RUBCN: variants seen among roughly 807,000 people sequenced by gnomAD.
RUBCN encodes run domain Beclin-1-interacting and cysteine-rich domain-containing protein.
In RUBCN, 74 loss-of-function variants were observed where a neutral mutation model predicts 113.2. The observed-to-expected ratio is 0.65, with a 90% confidence interval of 0.54 to 0.79. RUBCN has a LOEUF of 0.79. RUBCN is among the 30% of genes least tolerant of loss of function. The pLI is 0.00. For missense variants in RUBCN, 1,109 were observed against 1,251.7 expected (o/e 0.89, Z 1.72); for synonymous variants, 480 against 490.0 (o/e 0.98, Z 0.27).
At chr3:197,704,511 C>G in intron 4 of RUBCN, 31 bp downstream of exon 4, 1 of 1,607,256 alleles carries the variant, frequency 6.2e-7, no homozygotes, top group Non-Finnish European at 8.5e-7. Flanking sequence ...CGAGGAAGCA[C>G]AGATGACAGT....
chr3:197,745,163 T>TA (rs1728685077), intron 1 of RUBCN, among the ~76,000 whole-genome samples: 1 of 151,588 alleles, frequency 6.6e-6, no homozygotes, highest in Non-Finnish European at 1.5e-5. Flanking sequence ...CACGCACCTG[T>TA]AGTCCCAGCT....
At position 197,681,092 on chromosome 3, in the gene RUBCN, G is replaced by T. The variant is rs201380779; in HGVS notation, c.2430+37C>A. The T allele has an allele frequency of 5.3e-3, 7,435 of 1,390,166 alleles. 52 individuals carry two copies. The highest frequency in any genetic ancestry group is 0.018 in the South Asian group (1,527 of 86,214). The allele number at this position is 1,390,166 out of a possible 1,614,324, so 86.1% of individuals were successfully genotyped here. A position where few individuals can be genotyped will look rare whatever the true frequency, so the allele number is the denominator to read the frequency against. On this transcript the variant is annotated intron_variant, in intron 16 of 19. Coordinates refer to ENST00000296343, the MANE Select transcript of RUBCN (RefSeq NM_014687.4). The surrounding 1 kb of genome is among the most constrained non-coding windows in gnomAD (Gnocchi z 5.5). ...AGGGGAGGGGATGAGGGGAGGAGAA[G>T]GGCAAGACTCTAAGGTGGCCTTTTC...
chr3:197,726,345 C>T (rs1726752577), intron 1 of RUBCN, among the ~76,000 whole-genome samples: 1 of 151,660 alleles, frequency 6.6e-6, no homozygotes, highest in Non-Finnish European at 1.5e-5. Flanking sequence ...CTCCTGGGTT[C>T]ACACCATTCT....
At chr3:197,712,761 A>G (rs1213042557) in intron 2 of RUBCN, among the ~76,000 whole-genome samples, 1 of 152,198 alleles carries the variant, frequency 6.6e-6, no homozygotes, top group Non-Finnish European at 1.5e-5. Context: ...ATAAAATAAA[A>G]ACAAATAAAA....
At chr3:197,725,520 CTTTTT>C (rs10718685) in intron 1 of RUBCN, among the ~76,000 whole-genome samples, 2 of 75,332 alleles carry the variant, frequency 2.7e-5, no homozygotes, top group Non-Finnish European at 2.4e-5. Flanking sequence ...ACAGGAGAAT[CTTTTT>C]TTTTTTTTTT....
intron 2 of RUBCN, among the ~76,000 whole-genome samples, chr3:197,708,588 A>G (rs1026528068): frequency 1.3e-5 from 2 of 150,574 alleles, no homozygotes; most frequent in African/African-American, 4.9e-5. Flanking sequence ...GCAATGCTAT[A>G]TTCTTTGCTG....
In RUBCN at chr3:197,701,884, CA is replaced by C; in HGVS notation, c.571-21del. ...GGCAAACTAAAAAGCAAAACAAAACCAAAAAATGTGTCAGAGTTAAGGACAA... is the reference window on the plus strand; with the variant it reads ...GGCAAACTAAAAAGCAAAACAAAACCAAAAATGTGTCAGAGTTAAGGACAA... On this transcript the variant is annotated intron_variant, in intron 5 of 19. Transcript: ENST00000296343. 1 of 1,613,024 alleles carries C rather than the reference CA, an allele frequency of 6.2e-7. No homozygotes were observed. Among genetic ancestry groups the C allele is most frequent in the Non-Finnish European group, 8.5e-7 (1 of 1,179,464 alleles).
rs928043528 is a variant in RUBCN at position 197,683,552 on chromosome 3, G to T, written c.1848-113C>A. 1.6e-5 allele frequency: 19 copies of T among 1,170,624 alleles called. No individual in the cohort carries two copies. The highest frequency in any genetic ancestry group is 2.2e-5 in the Non-Finnish European group (18 of 801,128). 72.5% of individuals were successfully genotyped at this position (1,170,624 alleles called of 1,614,324 possible). A position where few individuals can be genotyped will look rare whatever the true frequency, so the allele number is the denominator to read the frequency against. On this transcript the variant is annotated intron_variant, in intron 12 of 19. Transcript: ENST00000296343. This position sits in a 1 kb window ranked among gnomAD's most constrained non-coding sequence, Gnocchi z 4.6. The stretch of plus-strand genomic sequence containing the variant: ...CAACTTCTGGGCTGGAAGAACACCC[G>T]CAGCACCCTGGCCTGCTCATCACCC...
intron 2 of RUBCN, among the ~76,000 whole-genome samples, chr3:197,711,591 T>C (rs1580305723): frequency 6.6e-6 from 1 of 152,288 alleles, no homozygotes; most frequent in South Asian, 2.1e-4. Flanking sequence ...TCCCAGCACC[T>C]TGGGAGCCAA....
At chr3:197,740,673 T>C (rs1177354134), upstream of RUBCN, among the ~76,000 whole-genome samples, 2 of 151,532 alleles carry the variant, frequency 1.3e-5, 1 homozygote, top group Non-Finnish European at 2.9e-5. Context: ...CAGGCTGGAG[T>C]GCAGTGGCAC....
At chr3:197,704,204 G>A (rs188622246) in intron 4 of RUBCN, among the ~76,000 whole-genome samples, 20 of 152,266 alleles carry the variant, frequency 1.3e-4, no homozygotes, top group Admixed American at 2.6e-4. Flanking sequence ...GGAGGCCAAA[G>A]CGGGCAGATC....
chr3:197,735,754 G>C (rs1417773832), intron 1 of RUBCN, among the ~76,000 whole-genome samples: 9 of 151,992 alleles, frequency 5.9e-5, no homozygotes, highest in East Asian at 1.9e-4. Flanking sequence ...ACCACGCCGA[G>C]CTAATTTTTG....
In RUBCN at chr3:197,670,330, G is replaced by C. The variant is rs1362902085; in HGVS notation, c.*4688C>G. 2.6e-5 allele frequency among the ~76,000 whole-genome samples: 4 copies of C among 152,156 alleles called. No homozygotes were observed. Among genetic ancestry groups the C allele is most frequent in the African/African-American group, 9.7e-5 (4 of 41,448 alleles). On this transcript the variant is annotated 3_prime_UTR_variant, in exon 20 of 20. Transcript: ENST00000296343. ...TTCTTTGTACTCTCAGCTCTGGCAT[G>C]GTGTCTGGAACACGGAGGCATCTAT...
upstream of RUBCN, among the ~76,000 whole-genome samples, chr3:197,739,655 C>G (rs11923365): frequency 6.6e-6 from 1 of 151,332 alleles, no homozygotes; most frequent in Non-Finnish European, 1.5e-5. Context: ...GCAGAGATCA[C>G]GCCACTGCAC....
rs1293375440 is a variant in RUBCN at position 197,725,724 on chromosome 3, GACACCTATTTAAC to G, written c.66-7607_66-7595del. 2.0e-5 allele frequency among the ~76,000 whole-genome samples: 3 copies of G among 151,988 alleles called. No homozygotes were observed. In the East Asian group the frequency reaches 5.8e-4, roughly 29 times the overall value. ...TACCTGTAGGTATGCTTTGTAATTC[GACACCTATTTAAC>G]ACCTGAGTAACATCAAATGCATTGA... On this transcript the variant is annotated intron_variant, in intron 1 of 19. Transcript: ENST00000296343.
At chr3:197,728,455 CA>C (rs1257446890) in intron 1 of RUBCN, among the ~76,000 whole-genome samples, 2 of 152,106 alleles carry the variant, frequency 1.3e-5, no homozygotes, top group Non-Finnish European at 2.9e-5. Context: ...CTAGAATAAT[CA>C]AACAGGGACG....
At chr3:197,738,147 C>A (rs960794331), upstream of RUBCN, among the ~76,000 whole-genome samples, 1 of 152,226 alleles carries the variant, frequency 6.6e-6, no homozygotes, top group African/African-American at 2.4e-5. Flanking sequence ...TTTAAACTTT[C>A]AACTTTGCAC....
At position 197,674,172 on chromosome 3, in the gene RUBCN, C is replaced by T. The variant is rs1363466596; in HGVS notation, c.*846G>A. ...CACCTGCACCAAAAAGCCAGGTTAACTAAGAGACCTTAACACCAAGAGGGG... is the reference window on the plus strand; with the variant it reads ...CACCTGCACCAAAAAGCCAGGTTAATTAAGAGACCTTAACACCAAGAGGGG... On this transcript the variant is annotated 3_prime_UTR_variant, in exon 20 of 20. Transcript: ENST00000296343. 6.6e-6 allele frequency: 1 copy of T among 152,662 alleles called. No individual in the cohort carries two copies. Among genetic ancestry groups the T allele is most frequent in the Non-Finnish European group, 1.5e-5 (1 of 68,318 alleles). 9.5% of individuals were successfully genotyped at this position (152,662 alleles called of 1,614,324 possible).
intron 1 of RUBCN, among the ~76,000 whole-genome samples, chr3:197,719,635 T>C (rs1036239255): frequency 7.9e-5 from 12 of 152,176 alleles, no homozygotes; most frequent in African/African-American, 2.7e-4. Context: ...TGGACAAAGC[T>C]GAAGAATTTC....
Sources: gnomAD v4.1 joint callset for allele counts (sites outside exome capture counted in the v4.1 genomes callset) on GRCh38, gnomAD v4.1.1 for gene constraint, Gnocchi (gnomAD v3.1) non-coding constraint, MANE v1.5 for transcripts, NCBI Gene and HGNC (gene_info 2026-07-23, HGNC 2026-07-21) for gene names.